STRBP: variants seen among roughly 807,000 people sequenced by gnomAD.
STRBP encodes the protein spermatid perinuclear RNA-binding protein.
In STRBP, 13 loss-of-function variants were observed where a neutral mutation model predicts 80.1. That is an observed-to-expected ratio of 0.16 (90% CI 0.11 to 0.26). The LOEUF (loss-of-function observed/expected upper bound fraction) is 0.26. Among genes scored for constraint, STRBP ranks in the 10% least tolerant of loss-of-function variants. STRBP has a pLI of 1.00. For missense variants in STRBP, 485 were observed against 815.2 expected, an observed-to-expected ratio of 0.59 and a Z score of 4.93; for synonymous variants, 284 against 291.2, an observed-to-expected ratio of 0.98 and a Z score of 0.25.
chr9:123,229,491 C>T (rs553544376), intron 2 of STRBP, among the ~76,000 whole-genome samples: 1 of 152,232 alleles, frequency 6.6e-6, no homozygotes, highest in Non-Finnish European at 1.5e-5. Flanking sequence ...GTATTTTTAA[C>T]ACTGGAAAAA....
chr9:123,230,870 T>A (rs185561626), intron 2 of STRBP, among the ~76,000 whole-genome samples: 136 of 152,346 alleles, frequency 8.9e-4, no homozygotes, highest in African/African-American at 2.9e-3. Context: ...CACACTTTTT[T>A]AAATTTCTGG....
At chr9:123,247,711 T>C (rs1242206400) in intron 1 of STRBP, among the ~76,000 whole-genome samples, 6 of 152,206 alleles carry the variant, frequency 3.9e-5, no homozygotes, top group Non-Finnish European at 8.8e-5. Flanking sequence ...GTGTGTAAAA[T>C]GCATATCACA....
intron 2 of STRBP, among the ~76,000 whole-genome samples, chr9:123,201,021 T>C (rs1314976288): frequency 6.6e-6 from 1 of 152,028 alleles, no homozygotes; most frequent in African/African-American, 2.4e-5. Flanking sequence ...TTTGTGCACA[T>C]AAAGGTGTTA....
chr9:123,154,955 G>A (rs1352428046), intron 11 of STRBP, among the ~76,000 whole-genome samples: 2 of 152,208 alleles, frequency 1.3e-5, no homozygotes, highest in African/African-American at 2.4e-5. Context: ...AGGTTTTTAC[G>A]CTGATGAGAA....
chr9:123,261,839 T>C (rs1301301600), intron 1 of STRBP, among the ~76,000 whole-genome samples: 1 of 152,254 alleles, frequency 6.6e-6, no homozygotes, highest in Non-Finnish European at 1.5e-5. Context: ...TATTCAGAAT[T>C]ATTTAACTCA....
downstream of STRBP, among the ~76,000 whole-genome samples, chr9:123,118,104 T>C (rs1012811127): frequency 1.3e-5 from 2 of 152,202 alleles, no homozygotes; most frequent in Non-Finnish European, 2.9e-5. Flanking sequence ...AGAAAAAGGC[T>C]TTAGAACAGA....
chr9:123,119,454 T>G (rs979901261), downstream of STRBP, among the ~76,000 whole-genome samples: 1 of 141,246 alleles, frequency 7.1e-6, no homozygotes, highest in Non-Finnish European at 1.5e-5. Context: ...ATTTAACTAC[T>G]GTAACAGACA....
At chr9:123,247,447 T>G (rs2040822294) in intron 1 of STRBP, among the ~76,000 whole-genome samples, 1 of 152,274 alleles carries the variant, frequency 6.6e-6, no homozygotes, top group Non-Finnish European at 1.5e-5. Flanking sequence ...TGTTGCATTT[T>G]TAGTAGAGAC....
chr9:123,191,826 A>C (rs902816789), intron 2 of STRBP, among the ~76,000 whole-genome samples: 2 of 152,142 alleles, frequency 1.3e-5, no homozygotes, highest in Non-Finnish European at 2.9e-5. Flanking sequence ...TGTAGCTTTT[A>C]CTCTGAGATG....
intron 11 of STRBP, among the ~76,000 whole-genome samples, chr9:123,150,388 T>C (rs1180065003): frequency 2.0e-5 from 3 of 152,014 alleles, no homozygotes; most frequent in Non-Finnish European, 4.4e-5. Flanking sequence ...TCCTGGGCAA[T>C]GAAGAATTTT....
chr9:123,185,582 T>A (rs1393813421), intron 2 of STRBP, among the ~76,000 whole-genome samples: 1 of 152,136 alleles, frequency 6.6e-6, no homozygotes, highest in African/African-American at 2.4e-5. Flanking sequence ...AAATGCTCCA[T>A]CTAAGTAACA....
intron 6 of STRBP, among the ~76,000 whole-genome samples, chr9:123,162,182 A>T (rs1179738841): frequency 6.6e-6 from 1 of 152,130 alleles, no homozygotes; most frequent in East Asian, 1.9e-4. Context: ...TTCTTCAGTT[A>T]TCAGAGGATC....
intron 1 of STRBP, among the ~76,000 whole-genome samples, chr9:123,258,878 T>C (rs1461420025): frequency 6.7e-6 from 1 of 149,970 alleles, no homozygotes; most frequent in Non-Finnish European, 1.5e-5. Context: ...GAGTAAGAGA[T>C]GATGAGGTCA....
intron 1 of STRBP, among the ~76,000 whole-genome samples, chr9:123,240,339 C>T (rs576345766): frequency 6.6e-6 from 1 of 152,264 alleles, no homozygotes; most frequent in South Asian, 2.1e-4. Flanking sequence ...GCCCACCACA[C>T]CGAAATCTAG....
rs1199954563 is a variant in STRBP at position 123,126,965 on chromosome 9, CTCCAAT to C, written c.1942+1243_1942+1248del. 1.3e-5 allele frequency among the ~76,000 whole-genome samples: 2 copies of C among 152,174 alleles called. No homozygotes were observed. Among genetic ancestry groups the C allele is most frequent in the African/African-American group, 4.8e-5 (2 of 41,432 alleles). On this transcript the variant is annotated intron_variant, in intron 18 of 18. Transcript: ENST00000348403. The surrounding 1 kb of genome is among the most constrained non-coding windows in gnomAD (Gnocchi z 4.4). Reference sequence around the variant, plus strand: ...TGCGTAAGCTTATTATTGCATTAGTCTCCAATTCCTAGTTACCCATACGGCTCAGTT... The same window carrying C: ...TGCGTAAGCTTATTATTGCATTAGTCTCCTAGTTACCCATACGGCTCAGTT...
intron 2 of STRBP, among the ~76,000 whole-genome samples, chr9:123,196,011 A>T (rs1219112784): frequency 6.6e-6 from 1 of 151,976 alleles, no homozygotes; most frequent in Non-Finnish European, 1.5e-5. Flanking sequence ...ACACATGCTG[A>T]TATAAAAACA....
At position 123,136,470 on chromosome 9, in the gene STRBP, C is replaced by T; in HGVS notation, c.1543G>A (p.Val515Ile). 6.2e-7 allele frequency: 1 copy of T among 1,614,096 alleles called. No homozygotes were observed. The highest frequency in any genetic ancestry group is 8.5e-7 in the Non-Finnish European group (1 of 1,180,018). Reference sequence around the variant, plus strand: ...CTTCTTTTTTCATTGAGCTCCATTACAGGGTTTTTGCCACTTGCTGTGAGG... The same window carrying T: ...CTTCTTTTTTCATTGAGCTCCATTATAGGGTTTTTGCCACTTGCTGTGAGG... ...PILTASGKNPVMELNEKRRGL... is the reference protein window; with the variant it reads ...PILTASGKNPIMELNEKRRGL... The change falls in exon 15 of 19, where the codon GTA becomes ATA. Residue 515 changes from valine to isoleucine, a missense_variant. By Grantham distance (29) the Val-to-Ile change is conservative (BLOSUM62 3). Transcript: ENST00000348403. The surrounding 1 kb of genome is among the most constrained non-coding windows in gnomAD (Gnocchi z 4.2).
chr9:123,125,046 C>A lies in STRBP; in HGVS notation c.*551G>T. The A allele has an allele frequency of 5.1e-6, 5 of 985,266 alleles. No homozygotes were observed. Among genetic ancestry groups the A allele is most frequent in the Non-Finnish European group, 6.0e-6 (5 of 829,454 alleles). 61.0% of individuals were successfully genotyped at this position (985,266 alleles called of 1,614,324 possible). A position where few individuals can be genotyped will look rare whatever the true frequency, so the allele number is the denominator to read the frequency against. ...TAATAAGCTAAAACAATATTCAAAC[C>A]CATATTTTATTGGCTTTATTACACA... On this transcript the variant is annotated 3_prime_UTR_variant, in exon 19 of 19. Transcript: ENST00000348403.
chr9:123,265,310 ACAATGGCTG>A (rs1353971493), intron 1 of STRBP, among the ~76,000 whole-genome samples: 1 of 152,184 alleles, frequency 6.6e-6, no homozygotes, highest in African/African-American at 2.4e-5. Flanking sequence ...ATTCGAACAT[ACAATGGCTG>A]CATTAAGATA....
Sources: gnomAD v4.1 joint callset for allele counts (sites outside exome capture counted in the v4.1 genomes callset) on GRCh38, gnomAD v4.1.1 for gene constraint, Gnocchi (gnomAD v3.1) non-coding constraint, MANE v1.5 for transcripts, NCBI Gene and HGNC (gene_info 2026-07-23, HGNC 2026-07-21) for gene names.